ZCCHC24: variants seen among roughly 807,000 people sequenced by gnomAD.
The protein encoded by ZCCHC24 is zinc finger CCHC-type containing 24, also known as zinc finger CCHC domain-containing protein 24.
Under a neutral mutation model 26.2 loss-of-function variants are expected in ZCCHC24, and 10 were observed. The ratio of observed to expected loss-of-function variants is 0.38; its 90% CI spans 0.24 to 0.65. The LOEUF (loss-of-function observed/expected upper bound fraction) is 0.65. Among genes scored for constraint, ZCCHC24 ranks in the 30% least tolerant of loss-of-function variants. ZCCHC24 has a pLI of 0.54. For missense variants in ZCCHC24, 243 were observed against 329.1 expected (o/e 0.74, Z 2.03); for synonymous variants, 144 against 147.1 (o/e 0.98, Z 0.15).
At chr10:79,444,663 C>T (rs1033961784) in intron 1 of ZCCHC24, among the ~76,000 whole-genome samples, 1 of 152,190 alleles carries the variant, frequency 6.6e-6, no homozygotes, top group Non-Finnish European at 1.5e-5. Flanking sequence ...CAGGAGAAGC[C>T]CTCTGGGCAG....
chr10:79,423,789 A>G (rs1427942663), intron 2 of ZCCHC24, among the ~76,000 whole-genome samples: 1 of 150,774 alleles, frequency 6.6e-6, no homozygotes, highest in South Asian at 2.1e-4. Context: ...AGGCCAAGGC[A>G]GGCGGATCAC....
chr10:79,407,749 G>C (rs1424891822), intron 2 of ZCCHC24, among the ~76,000 whole-genome samples: 1 of 152,238 alleles, frequency 6.6e-6, no homozygotes, highest in Non-Finnish European at 1.5e-5. Context: ...AGGAAGTTAG[G>C]GTCAGAGCTG....
chr10:79,396,981 C>T (rs1230017079), intron 2 of ZCCHC24, among the ~76,000 whole-genome samples: 1 of 152,198 alleles, frequency 6.6e-6, no homozygotes, highest in Non-Finnish European at 1.5e-5. Context: ...ATATTAATGC[C>T]ATTGTTATTT....
At chr10:79,396,493 C>T (rs1856548735) in intron 2 of ZCCHC24, among the ~76,000 whole-genome samples, 1 of 152,210 alleles carries the variant, frequency 6.6e-6, no homozygotes, top group Non-Finnish European at 1.5e-5. Context: ...TCTGCTCCCA[C>T]CAACTAGAGC....
chr10:79,403,598 C>G, intron 2 of ZCCHC24: 1 of 985,378 alleles, frequency 1.0e-6, no homozygotes, highest in South Asian at 4.7e-5. Flanking sequence ...AAGAGGCCAC[C>G]CGGGGCTTCC....
intron 2 of ZCCHC24, among the ~76,000 whole-genome samples, chr10:79,415,814 G>A (rs1856851865): frequency 6.6e-6 from 1 of 152,166 alleles, no homozygotes; most frequent in Non-Finnish European, 1.5e-5. Context: ...GGTCTGGCTG[G>A]GCCACAGCAT....
intron 1 of ZCCHC24, among the ~76,000 whole-genome samples, chr10:79,439,426 G>A (rs1857261125): frequency 6.6e-6 from 1 of 151,834 alleles, no homozygotes; most frequent in South Asian, 2.1e-4. Flanking sequence ...GGAGGTGGAA[G>A]GGAGGAGGGG....
At position 79,445,364 on chromosome 10, in the gene ZCCHC24, A is replaced by G; in HGVS notation, c.77T>C (p.Leu26Pro). ...AGCCTGGTGCGTGTCCTGCAGCGAC[A>G]GGTAGACCCAGTTGAGCAGCTGGGC... ...QPAQLLNWVY[L>P]SLQDTHQASA... Residue 26 changes from leucine to proline, a missense_variant, in exon 1 of 4, where the codon CTG (leucine) becomes CCG (proline). Around this residue, in one of 2 missense-constraint regions of ZCCHC24, gnomAD observed 147 missense variants for 150.8 expected, o/e 0.97. Coordinates refer to ENST00000372336, the MANE Select transcript of ZCCHC24 (RefSeq NM_153367.4). The G allele has an allele frequency of 6.5e-7, 1 of 1,537,680 alleles. No homozygotes were observed.
chr10:79,435,925 C>G (rs928607197), intron 1 of ZCCHC24, among the ~76,000 whole-genome samples: 1 of 150,326 alleles, frequency 6.7e-6, no homozygotes, highest in Admixed American at 6.6e-5. Context: ...CTCTATCCCC[C>G]TCCTGCTCGG....
At chr10:79,412,771 C>A (rs529289075) in intron 2 of ZCCHC24, among the ~76,000 whole-genome samples, 9 of 152,178 alleles carry the variant, frequency 5.9e-5, no homozygotes. Context: ...CCATTACTGG[C>A]GGCAAGAGCT....
rs1564630336 is a variant in ZCCHC24 at position 79,385,887 on chromosome 10, GA to G, written c.*457del. 1 of 346,452 alleles carries G rather than the reference GA, an allele frequency of 2.9e-6. No homozygotes were observed. The highest frequency in any genetic ancestry group is 2.1e-5 in the African/African-American group (1 of 47,790). 21.5% of individuals were successfully genotyped at this position (346,452 alleles called of 1,614,324 possible). On this transcript the variant is annotated 3_prime_UTR_variant, in exon 4 of 4. Transcript: ENST00000372336. The surrounding 1 kb of genome is among the most constrained non-coding windows in gnomAD (Gnocchi z 4.3). ...GCTGACTCAGGAAAGAGGGATTTCT[GA>G]GAGTGGCTTTCCATACAGGGCAAAC...
At chr10:79,397,730 T>C (rs1856565710) in intron 2 of ZCCHC24, among the ~76,000 whole-genome samples, 1 of 152,196 alleles carries the variant, frequency 6.6e-6, no homozygotes, top group South Asian at 2.1e-4. Flanking sequence ...TGCAGGCCTC[T>C]GAGCTCAGAG....
intron 3 of ZCCHC24, among the ~76,000 whole-genome samples, chr10:79,392,040 C>A (rs148090948): frequency 4.0e-4 from 61 of 152,074 alleles, no homozygotes; most frequent in African/African-American, 1.4e-3. Context: ...CACAGGCCCA[C>A]CCGGCCTCCC....
intron 3 of ZCCHC24, among the ~76,000 whole-genome samples, chr10:79,389,140 C>A (rs1380770050): frequency 6.6e-6 from 1 of 152,186 alleles, no homozygotes; most frequent in Non-Finnish European, 1.5e-5. Context: ...TGGAGGGGAA[C>A]GTGTCTTCAC....
At chr10:79,444,982 C>T (rs1314800768) in intron 1 of ZCCHC24, among the ~76,000 whole-genome samples, 1 of 152,220 alleles carries the variant, frequency 6.6e-6, no homozygotes, top group African/African-American at 2.4e-5. Context: ...ATTGCTCCAG[C>T]CCGGGCTCAG....
At position 79,445,407 on chromosome 10, in the gene ZCCHC24, C is replaced by A; in HGVS notation, c.34G>T (p.Ala12Ser). The A allele has an allele frequency of 1.3e-6, 2 of 1,495,944 alleles. No individual in the cohort carries two copies. Among genetic ancestry groups the A allele is most frequent in the East Asian group, 2.9e-5 (1 of 34,948 alleles). 92.7% of individuals were successfully genotyped at this position (1,495,944 alleles called of 1,614,324 possible). The change falls in exon 1 of 4, where the codon GCC becomes TCC. Residue 12 changes from alanine (A) to serine (S), a missense_variant. By Grantham distance (99) the Ala-to-Ser change is moderately conservative (BLOSUM62 1). Coordinates refer to ENST00000372336, the MANE Select transcript of ZCCHC24 (RefSeq NM_153367.4). ...SLLSAIDTSA[A>S]SVYQPAQLLN... is the part of the protein sequence containing the mutation. ...AGCTGGGCGGGCTGGTACACCGAGG[C>A]GGCGCTCGTGTCGATGGCCGACAGC... is the stretch of plus-strand genomic sequence containing the variant.
rs543429620 is a variant in ZCCHC24, at chr10:79,422,520, C to T, written c.447+10038G>A. Reference sequence around the variant, plus strand: ...CCCCCTCTTTCCCTTGTCTCCTGCCCTTTCCCCAGCAAGACCCTGAGACTA... The same window carrying T: ...CCCCCTCTTTCCCTTGTCTCCTGCCTTTTCCCCAGCAAGACCCTGAGACTA... On this transcript the variant is annotated intron_variant, in intron 2 of 3. Transcript: ENST00000372336. Among the ~76,000 whole-genome samples the T allele has an allele frequency of 2.2e-4, 33 of 152,350 alleles. 1 individual carries two copies. The highest frequency in any genetic ancestry group is 7.2e-4 in the African/African-American group (30 of 41,588).
chr10:79,404,528 G>A (rs1589664566), intron 2 of ZCCHC24, among the ~76,000 whole-genome samples: 1 of 152,334 alleles, frequency 6.6e-6, no homozygotes, highest in East Asian at 1.9e-4. Context: ...CTGCCTTAGT[G>A]GGTGGATGGA....
At chr10:79,413,513 CT>C (rs1177637294) in intron 2 of ZCCHC24, among the ~76,000 whole-genome samples, 1 of 152,234 alleles carries the variant, frequency 6.6e-6, no homozygotes, top group Non-Finnish European at 1.5e-5. Context: ...AGGCTACAGG[CT>C]TTAAATGTGT....
Sources: allele counts gnomAD v4.1 joint callset (sites outside exome capture counted in the v4.1 genomes callset), GRCh38; gene constraint gnomAD v4.1.1; regional missense constraint gnomAD v4.1.1; non-coding constraint Gnocchi (gnomAD v3.1); transcripts MANE v1.5; gene names NCBI Gene and HGNC (gene_info 2026-07-23, HGNC 2026-07-21).